STK3: variants seen among roughly 807,000 people sequenced by gnomAD.
STK3 encodes the protein serine/threonine-protein kinase 3.
A neutral mutation model predicts 58.0 loss-of-function variants in STK3; 41 were observed. The ratio of observed to expected loss-of-function variants is 0.71; its 90% CI spans 0.55 to 0.92. The LOEUF is 0.92. Ranked by LOEUF, STK3 falls within the 40% of genes least tolerant of loss-of-function variation. The pLI is 0.00. For synonymous variants in STK3, 170 were observed against 191.0 expected (o/e 0.89, Z 0.91); for missense variants, 479 against 602.7 (o/e 0.79, Z 2.15).
At chr8:98,498,097 T>A (rs1470655161) in intron 10 of STK3, among the ~76,000 whole-genome samples, 1 of 152,190 alleles carries the variant, frequency 6.6e-6, no homozygotes, top group East Asian at 1.9e-4. Context: ...ACATTTTGTT[T>A]ATCTGTTCAT....
At chr8:98,927,849 C>T (rs918809304) in intron 1 of STK3, among the ~76,000 whole-genome samples, 2 of 152,078 alleles carry the variant, frequency 1.3e-5, no homozygotes, top group South Asian at 4.1e-4. Context: ...GAGAATGAGG[C>T]CATATATTAT....
chr8:98,682,528 A>G (rs1468967311), intron 6 of STK3, among the ~76,000 whole-genome samples: 5 of 152,170 alleles, frequency 3.3e-5, no homozygotes, highest in African/African-American at 1.2e-4. Context: ...GCATAGCACA[A>G]CTACATTTAA....
intron 3 of STK3, chr8:98,413,741 C>A: frequency 1.3e-6 from 1 of 746,854 alleles, no homozygotes; most frequent in South Asian, 1.4e-5. Context: ...GCACCTTGGT[C>A]AGGTCATGCC....
Position 98,486,138 on chromosome 8 carries a change from G to A in STK3, c.1318-30138C>T, listed in dbSNP as rs753378642. 8.5e-5 allele frequency among the ~76,000 whole-genome samples: 13 copies of A among 152,288 alleles called. No individual in the cohort carries two copies. The East Asian group carries it at 2.5e-3, about 29-fold the overall frequency. On this transcript the variant is annotated intron_variant, in intron 10 of 10. Transcript: ENST00000419617. ...CCAACTATTTGCCTTTTGGCGTTGG[G>A]CATGTTTCTTAGCTCCTTTAACATA...
chr8:98,834,032 G>T (rs1835652289), intron 3 of STK3, among the ~76,000 whole-genome samples: 1 of 151,990 alleles, frequency 6.6e-6, no homozygotes, highest in Non-Finnish European at 1.5e-5. Flanking sequence ...CAAGCCCATT[G>T]AGACAGCAAT....
rs1479026476 is a variant in STK3, at chr8:98,455,525, A to T, written c.*317T>A. 2 of 340,022 alleles carry T rather than the reference A, an allele frequency of 5.9e-6. No individual in the cohort carries two copies. Among genetic ancestry groups the T allele is most frequent in the Non-Finnish European group, 1.1e-5 (2 of 183,654 alleles). 21.1% of individuals were successfully genotyped at this position (340,022 alleles called of 1,614,324 possible). On this transcript the variant is annotated 3_prime_UTR_variant, in exon 11 of 11. Transcript: ENST00000419617. ...GTAACATAAAGCCCTTCAGTGCTGT[A>T]CAATGCAACAATAGCTTTGGATTTT... is the stretch of plus-strand genomic sequence containing the variant.
intron 6 of STK3, among the ~76,000 whole-genome samples, chr8:98,683,268 G>A (rs1442993043): frequency 6.6e-6 from 1 of 152,036 alleles, no homozygotes; most frequent in African/African-American, 2.4e-5. Flanking sequence ...TGTGAGGGAT[G>A]ACAGCTCTTT....
At chr8:98,705,376 A>G (rs1488132112) in intron 6 of STK3, among the ~76,000 whole-genome samples, 2 of 151,874 alleles carry the variant, frequency 1.3e-5, no homozygotes. Context: ...TCGCACTACT[A>G]CAATCCAGGC....
At chr8:98,556,589 G>C (rs1425601337) in intron 8 of STK3, among the ~76,000 whole-genome samples, 1 of 152,086 alleles carries the variant, frequency 6.6e-6, no homozygotes, top group African/African-American at 2.4e-5. Flanking sequence ...CAATGAGTAA[G>C]TTTGATTGAA....
At chr8:98,452,757 ATTTTTTTTTTT>A (rs11329886), downstream of STK3, among the ~76,000 whole-genome samples, 1 of 110,470 alleles carries the variant, frequency 9.1e-6, no homozygotes, top group African/African-American at 3.4e-5. Flanking sequence ...AGACTTGAAG[ATTTTTTTTTTT>A]TTTTTTTTTT....
intron 1 of STK3, among the ~76,000 whole-genome samples, chr8:98,931,787 G>T (rs1231127756): frequency 6.6e-6 from 1 of 152,164 alleles, no homozygotes; most frequent in African/African-American, 2.4e-5. Context: ...ATATGTCAGT[G>T]CAACTTAAGA....
intron 10 of STK3, among the ~76,000 whole-genome samples, chr8:98,492,955 G>T (rs554851706): frequency 6.6e-6 from 1 of 152,000 alleles, no homozygotes; most frequent in Non-Finnish European, 1.5e-5. Context: ...AGTATGCCAG[G>T]CATGGTGGCT....
downstream of STK3, among the ~76,000 whole-genome samples, chr8:98,451,988 A>G (rs1234105226): frequency 6.6e-6 from 1 of 151,928 alleles, no homozygotes; most frequent in Non-Finnish European, 1.5e-5. Context: ...GTAATGCGAT[A>G]TAACTCCAAT....
At chr8:98,910,328 G>A (rs1308976283) in intron 1 of STK3, among the ~76,000 whole-genome samples, 1 of 152,090 alleles carries the variant, frequency 6.6e-6, no homozygotes, top group African/African-American at 2.4e-5. Flanking sequence ...TTAAAGTTGT[G>A]TAGTAATAAC....
chr8:98,899,186 T>C (rs1014941371), intron 1 of STK3, among the ~76,000 whole-genome samples: 2 of 152,204 alleles, frequency 1.3e-5, no homozygotes, highest in Non-Finnish European at 2.9e-5. Context: ...GCACAGAAGA[T>C]GCCACAGGAT....
At chr8:98,453,814 A>G (rs148443782), downstream of STK3, among the ~76,000 whole-genome samples, 88 of 152,316 alleles carry the variant, frequency 5.8e-4, no homozygotes, top group African/African-American at 1.9e-3. Flanking sequence ...ATGACAGCAA[A>G]TCAGTCATTT....
At chr8:98,893,492 GAAA>G (rs1564087366) in intron 1 of STK3, among the ~76,000 whole-genome samples, 23 of 86,874 alleles carry the variant, frequency 2.6e-4, no homozygotes, top group Non-Finnish European at 1.0e-4. Context: ...GAAAGAGAAA[GAAA>G]GAAAGAAAGA....
At chr8:98,737,863 A>AC (rs773044423) in intron 4 of STK3, among the ~76,000 whole-genome samples, 1 of 152,078 alleles carries the variant, frequency 6.6e-6, no homozygotes, top group Non-Finnish European at 1.5e-5. Context: ...ACCTGCCAGC[A>AC]CACCCAGCTA....
chr8:98,372,572 G>A (rs527633237), intron 2 of STK3, among the ~76,000 whole-genome samples: 1 of 150,700 alleles, frequency 6.6e-6, no homozygotes, highest in African/African-American at 2.4e-5. Context: ...TCTTGGCTCT[G>A]AACATCCTTC....
Sources: gnomAD v4.1 joint callset for allele counts (sites outside exome capture counted in the v4.1 genomes callset) on GRCh38, gnomAD v4.1.1 for gene constraint, MANE v1.5 for transcripts, NCBI Gene and HGNC (gene_info 2026-07-23, HGNC 2026-07-21) for gene names.